EGR4: variants seen among roughly 807,000 people sequenced by gnomAD.
The protein encoded by EGR4 is early growth response protein 4.
A neutral mutation model predicts 25.4 loss-of-function variants in EGR4; 22 were observed. That is an observed-to-expected ratio of 0.87 (90% confidence interval 0.62 to 1.24). EGR4 has a LOEUF of 1.24. Among genes scored for constraint, EGR4 ranks in the 50% most tolerant of loss-of-function variants. The pLI is 0.00. For missense variants in EGR4, 742 were observed against 702.9 expected (o/e 1.06, Z -0.63); for synonymous variants, 375 against 320.1 (o/e 1.17, Z -1.83).
intron 1 of EGR4, 148 bp downstream of exon 1, chr2:73,293,034 G>T: frequency 1.1e-6 from 1 of 925,584 alleles, no homozygotes; most frequent in Admixed American, 4.0e-5. Flanking sequence ...AGTGTGGGTG[G>T]GAATGGGGGT....
Position 73,291,361 on chromosome 2 carries a change from G to C in EGR4, c.*96C>G. ...CGGGACCGGAGGCCGGCCCTCGGGCGTGCGAGGAGGAGTTGGAAGAAGAGC... is the reference window on the plus strand; with the variant it reads ...CGGGACCGGAGGCCGGCCCTCGGGCCTGCGAGGAGGAGTTGGAAGAAGAGC... On this transcript the variant is annotated 3_prime_UTR_variant, in exon 2 of 2. Transcript: ENST00000436467. 1 of 1,492,840 alleles carries C rather than the reference G, an allele frequency of 6.7e-7. No homozygotes were observed. Among genetic ancestry groups the C allele is most frequent in the Non-Finnish European group, 8.9e-7 (1 of 1,119,768 alleles). The allele number at this position is 1,492,840 out of a possible 1,614,324, so 92.5% of individuals were successfully genotyped here. A position where few individuals can be genotyped will look rare whatever the true frequency, so the allele number is the denominator to read the frequency against.
chr2:73,292,231 C>T lies in EGR4; in HGVS notation c.687G>A (p.Pro229=), dbSNP rs759199487. 3.1e-5 allele frequency: 49 copies of T among 1,605,520 alleles called. No homozygotes were observed. Among genetic ancestry groups the T allele is most frequent in the Non-Finnish European group, 4.1e-5 (48 of 1,176,346 alleles). The change falls in exon 2 of 2, where the codon CCG becomes CCA. Residue 229 remains proline, a synonymous_variant. Transcript: ENST00000436467. ...CGSQGDYQAA[P]EARFPVIGTK... is the part of the protein sequence containing the mutation. ...TCCCTATTACGGGAAAACGAGCCTC[C>T]GGGGCGGCCTGGTAGTCTCCCTGTG... is the stretch of plus-strand genomic sequence containing the variant.
rs1393321747 is a variant in EGR4 at position 73,293,072 on chromosome 2, A to G, written c.136+110T>C. ...GCACCCCAGGACTCCTAAGCTTCCCATCGCCCCTATTCTCATAGCTCCAAT... is the reference window on the plus strand; with the variant it reads ...GCACCCCAGGACTCCTAAGCTTCCCGTCGCCCCTATTCTCATAGCTCCAAT... On this transcript the variant is annotated intron_variant, in intron 1 of 1. Coordinates refer to ENST00000436467, the MANE Select transcript of EGR4 (RefSeq NM_001965.4). 16 of 1,150,268 alleles carry G rather than the reference A, an allele frequency of 1.4e-5. 1 individual carries two copies. The highest frequency in any genetic ancestry group is 2.3e-6 in the Non-Finnish European group (2 of 871,110). The allele number at this position is 1,150,268 out of a possible 1,614,324, so 71.3% of individuals were successfully genotyped here.
chr2:73,292,044 C>G lies in EGR4; in HGVS notation c.874G>C (p.Gly292Arg), dbSNP rs760382951. ...CCGTCGCCGCTACTCCCTCCCTCCC[C>G]ACTAGGAGGGGTCAGGAGCCCAGGG... ...GLPGLLTPPS[G>R]EGGSSGDGGE... The change falls in exon 2 of 2, where the codon GGG becomes CGG. Residue 292 changes from glycine (G) to arginine (R), a missense_variant. Transcript: ENST00000436467. 46 of 1,608,896 alleles carry G rather than the reference C, an allele frequency of 2.9e-5. No homozygotes were observed. The highest frequency in any genetic ancestry group is 2.2e-4 in the Admixed American group (13 of 59,594).
rs1040117991 is a variant in EGR4 at position 73,293,319 on chromosome 2, G to C, written c.-2C>G. The C allele has an allele frequency of 1.9e-6, 3 of 1,576,454 alleles. No individual in the cohort carries two copies. Among genetic ancestry groups the C allele is most frequent in the Non-Finnish European group, 2.6e-6 (3 of 1,164,382 alleles). On this transcript the variant is annotated 5_prime_UTR_variant, in exon 1 of 2. Transcript: ENST00000436467. Reference sequence around the variant, plus strand: ...GGAAAACTCGCTAAGGTGGAGCATGGCGCGGCGCCGGCTGTGGGGCGCCCG... The same window carrying C: ...GGAAAACTCGCTAAGGTGGAGCATGCCGCGGCGCCGGCTGTGGGGCGCCCG...
In EGR4 at chr2:73,293,366, GGGGC is replaced by G. The variant is rs1558600622; in HGVS notation, c.-53_-50del. 2 of 1,507,758 alleles carry G rather than the reference GGGGC, an allele frequency of 1.3e-6. No individual in the cohort carries two copies. The highest frequency in any genetic ancestry group is 4.8e-5 in the Admixed American group (2 of 41,904). 93.4% of individuals were successfully genotyped at this position (1,507,758 alleles called of 1,614,324 possible). A position where few individuals can be genotyped will look rare whatever the true frequency, so the allele number is the denominator to read the frequency against. The stretch of plus-strand genomic sequence containing the variant: ...CCCGGGGCCTCGCCCGCTGGGCTTG[GGGGC>G]GCGCGGGTGGCGGGGAGGCTGGCGG... On this transcript the variant is annotated 5_prime_UTR_variant, in exon 1 of 2. Coordinates refer to ENST00000436467, the MANE Select transcript of EGR4 (RefSeq NM_001965.4).
Position 73,292,227 on chromosome 2 carries a change from C to T in EGR4, c.691G>A (p.Ala231Thr), listed in dbSNP as rs776586470. 8.1e-6 allele frequency: 13 copies of T among 1,603,868 alleles called. No homozygotes were observed. Among genetic ancestry groups the T allele is most frequent in the Non-Finnish European group, 8.5e-6 (10 of 1,175,534 alleles). ...TTGGTCCCTATTACGGGAAAACGAGCCTCCGGGGCGGCCTGGTAGTCTCCC... is the reference window on the plus strand; with the variant it reads ...TTGGTCCCTATTACGGGAAAACGAGTCTCCGGGGCGGCCTGGTAGTCTCCC... ...SQGDYQAAPEARFPVIGTKIE... is the reference protein window; with the variant it reads ...SQGDYQAAPETRFPVIGTKIE... Residue 231 changes from alanine to threonine, a missense_variant, in exon 2 of 2, where the codon GCT becomes ACT. Physicochemically the swap from Ala to Thr is moderately conservative, Grantham distance 58. Transcript: ENST00000436467.
Position 73,292,623 on chromosome 2 carries a change from C to T in EGR4, c.295G>A (p.Glu99Lys), listed in dbSNP as rs1689134096. 2 of 1,545,192 alleles carry T rather than the reference C, an allele frequency of 1.3e-6. No individual in the cohort carries two copies. Among genetic ancestry groups the T allele is most frequent in the Non-Finnish European group, 1.7e-6 (2 of 1,146,496 alleles). ...QAVPEHPHDP[E>K]ALFNLMSGIL... is the part of the protein sequence containing the mutation. ...CCCGACATGAGGTTGAAGAGTGCCT[C>T]CGGGTCGTGCGGGTGTTCGGGCACT... The change falls in exon 2 of 2, where the codon GAG becomes AAG. Residue 99 changes from glutamate (E) to lysine (K), a missense_variant. Coordinates refer to ENST00000436467, the MANE Select transcript of EGR4 (RefSeq NM_001965.4).
Position 73,293,372 on chromosome 2 carries a change from C to CGCG in EGR4, c.-58_-56dup. 1 of 1,501,008 alleles carries CGCG rather than the reference C, an allele frequency of 6.7e-7. No individual in the cohort carries two copies. The highest frequency in any genetic ancestry group is 8.9e-7 in the Non-Finnish European group (1 of 1,127,688). 93.0% of individuals were successfully genotyped at this position (1,501,008 alleles called of 1,614,324 possible). On this transcript the variant is annotated 5_prime_UTR_variant, in exon 1 of 2. Coordinates refer to ENST00000436467, the MANE Select transcript of EGR4 (RefSeq NM_001965.4). The stretch of plus-strand genomic sequence containing the variant: ...GCCTCGCCCGCTGGGCTTGGGGGCG[C>CGCG]GCGGGTGGCGGGGAGGCTGGCGGTA...
At position 73,292,083 on chromosome 2, in the gene EGR4, C is replaced by T; in HGVS notation, c.835G>A (p.Gly279Arg). 6.2e-7 allele frequency: 1 copy of T among 1,610,896 alleles called. No homozygotes were observed. Residue 279 changes from glycine (G) to arginine (R), a missense_variant, in exon 2 of 2, where the codon GGG (glycine) becomes AGG (arginine). Physicochemically the swap from Gly to Arg is moderately radical, Grantham distance 125. Coordinates refer to ENST00000436467, the MANE Select transcript of EGR4 (RefSeq NM_001965.4). ...AGGAGCCCAGGGAGGCCCTCAGCCC[C>T]CTCCCCTAAGTCACCCGGGGCCAGC... ...FPLAPGDLGE[G>R]AEGLPGLLTP... is the part of the protein sequence containing the mutation.
Position 73,292,328 on chromosome 2 carries a change from G to A in EGR4, c.590C>T (p.Ala197Val). Residue 197 changes from alanine (A) to valine (V), a missense_variant, in exon 2 of 2, where the codon GCT becomes GTT. Coordinates refer to ENST00000436467, the MANE Select transcript of EGR4 (RefSeq NM_001965.4). ...RAPPASPALDAVSAFKGPYAP... is the reference protein window; with the variant it reads ...RAPPASPALDVVSAFKGPYAP... The stretch of plus-strand genomic sequence containing the variant: ...GTAGGGACCCTTGAAGGCAGAGACA[G>A]CGTCCAGCGCTGGCGAGGCGGGAGG... The A allele has an allele frequency of 6.3e-7, 1 of 1,589,344 alleles. No individual in the cohort carries two copies. Among genetic ancestry groups the A allele is most frequent in the Non-Finnish European group, 8.6e-7 (1 of 1,167,224 alleles).
At position 73,292,572 on chromosome 2, in the gene EGR4, C is replaced by T. The variant is rs758096664; in HGVS notation, c.346G>A (p.Gly116Ser). ...GATCTGGACGCTGCTGCCTCTGGAC[C>T]GGGGAAGGGTGCCAGGCCTAAGATG... ...SGILGLAPFP[G>S]PEAAASRSPL... Residue 116 changes from glycine to serine, a missense_variant, in exon 2 of 2, where the codon GGT becomes AGT. Physicochemically the swap from Gly to Ser is moderately conservative, Grantham distance 56 (BLOSUM62 0). Coordinates refer to ENST00000436467, the MANE Select transcript of EGR4 (RefSeq NM_001965.4). The T allele has an allele frequency of 2.7e-6, 4 of 1,505,338 alleles. No homozygotes were observed. The highest frequency in any genetic ancestry group is 3.5e-6 in the Non-Finnish European group (4 of 1,127,558). The allele number at this position is 1,505,338 out of a possible 1,614,324, so 93.2% of individuals were successfully genotyped here. A position where few individuals can be genotyped will look rare whatever the true frequency, so the allele number is the denominator to read the frequency against.
chr2:73,292,233 G>C lies in EGR4; in HGVS notation c.685C>G (p.Pro229Ala). ...CGSQGDYQAAPEARFPVIGTK... is the reference protein window; with the variant it reads ...CGSQGDYQAAAEARFPVIGTK... ...CCTATTACGGGAAAACGAGCCTCCG[G>C]GGCGGCCTGGTAGTCTCCCTGTGAC... Residue 229 changes from proline (P) to alanine (A), a missense_variant, in exon 2 of 2, where the codon CCG becomes GCG. Physicochemically the swap from Pro to Ala is conservative, Grantham distance 27 (BLOSUM62 -1). Transcript: ENST00000436467. 1 of 1,606,604 alleles carries C rather than the reference G, an allele frequency of 6.2e-7. No homozygotes were observed. The highest frequency in any genetic ancestry group is 1.7e-4 in the Middle Eastern group (1 of 6,048).
Position 73,291,406 on chromosome 2 carries a change from A to G in EGR4, c.*51T>C, listed in dbSNP as rs745811504. 9.2e-6 allele frequency: 14 copies of G among 1,528,116 alleles called. No homozygotes were observed. The African/African-American group carries it at 1.9e-4, about 21-fold the overall frequency. The allele number at this position is 1,528,116 out of a possible 1,614,324, so 94.7% of individuals were successfully genotyped here. A position where few individuals can be genotyped will look rare whatever the true frequency, so the allele number is the denominator to read the frequency against. The stretch of plus-strand genomic sequence containing the variant: ...AAGAGCGGGGAGGGGAACGGCCCGG[A>G]ACTCGTGCGCGCCGAACGGCGGCGC... On this transcript the variant is annotated 3_prime_UTR_variant, in exon 2 of 2. Coordinates refer to ENST00000436467, the MANE Select transcript of EGR4 (RefSeq NM_001965.4).
Position 73,292,018 on chromosome 2 carries a change from G to A in EGR4, c.900C>T (p.Gly300=), listed in dbSNP as rs1220068125. Residue 300 remains glycine (G), a synonymous_variant, in exon 2 of 2, where the codon GGC becomes GGT. Coordinates refer to ENST00000436467, the MANE Select transcript of EGR4 (RefSeq NM_001965.4). Reference sequence around the variant, plus strand: ...GCTGCGTACTGGCCAGAAACTCTCCGCCGTCGCCGCTACTCCCTCCCTCCC... The same window carrying A: ...GCTGCGTACTGGCCAGAAACTCTCCACCGTCGCCGCTACTCCCTCCCTCCC... ...PSGEGGSSGD[G]GEFLASTQPQ... The A allele has an allele frequency of 5.6e-6, 9 of 1,600,640 alleles. No homozygotes were observed. The South Asian group carries it at 7.8e-5, about 14-fold the overall frequency.
chr2:73,293,460 G>C lies in EGR4; in HGVS notation c.-143C>G, dbSNP rs1351612605. ...TCCTGGCTTCGGGCACTCACCTCTG[G>C]GAAAGGAGTCGGGGAGCCGCGGCGC... On this transcript the variant is annotated 5_prime_UTR_variant, in exon 1 of 2. Transcript: ENST00000436467. 5 of 1,516,914 alleles carry C rather than the reference G, an allele frequency of 3.3e-6. No individual in the cohort carries two copies. In the African/African-American group the frequency reaches 5.8e-5, roughly 18 times the overall value. 94.0% of individuals were successfully genotyped at this position (1,516,914 alleles called of 1,614,324 possible).
In EGR4 at chr2:73,291,300, G is replaced by C; in HGVS notation, c.*157C>G. ...CTGTCCGCGGAGCTGGTGCTGAATA[G>C]GGCGTGTGCGGCGGGCGCTTCAAGG... On this transcript the variant is annotated 3_prime_UTR_variant, in exon 2 of 2. Coordinates refer to ENST00000436467, the MANE Select transcript of EGR4 (RefSeq NM_001965.4). The C allele has an allele frequency of 9.8e-7, 1 of 1,022,360 alleles. No individual in the cohort carries two copies. Among genetic ancestry groups the C allele is most frequent in the South Asian group, 1.7e-5 (1 of 59,038 alleles). 63.3% of individuals were successfully genotyped at this position (1,022,360 alleles called of 1,614,324 possible). A position where few individuals can be genotyped will look rare whatever the true frequency, so the allele number is the denominator to read the frequency against.
rs769310183 is a variant in EGR4, at chr2:73,291,877, C to T, written c.1041G>A (p.Pro347=). Residue 347 remains proline, a synonymous_variant, in exon 2 of 2, where the codon CCG becomes CCA. Transcript: ENST00000436467. ...CCTTGGCCTGGGGGAAAGGGGTGGGCGGCGGCGGCGGCACGGGTGGTGCAG... is the reference window on the plus strand; with the variant it reads ...CCTTGGCCTGGGGGAAAGGGGTGGGTGGCGGCGGCGGCACGGGTGGTGCAG... ...GVAAPPVPPP[P]PTPFPQAKAR... The T allele has an allele frequency of 7.7e-5, 120 of 1,562,230 alleles. No homozygotes were observed. Among genetic ancestry groups the T allele is most frequent in the Non-Finnish European group, 1.0e-4 (116 of 1,158,794 alleles).
rs780202647 is a variant in EGR4, at chr2:73,293,453, A to T, written c.-136T>A. Reference sequence around the variant, plus strand: ...CCCGGGCTCCTGGCTTCGGGCACTCACCTCTGGGAAAGGAGTCGGGGAGCC... The same window carrying T: ...CCCGGGCTCCTGGCTTCGGGCACTCTCCTCTGGGAAAGGAGTCGGGGAGCC... On this transcript the variant is annotated 5_prime_UTR_variant, in exon 1 of 2. Transcript: ENST00000436467. The T allele has an allele frequency of 6.6e-7, 1 of 1,516,962 alleles. No individual in the cohort carries two copies. The allele number at this position is 1,516,962 out of a possible 1,614,324, so 94.0% of individuals were successfully genotyped here. A position where few individuals can be genotyped will look rare whatever the true frequency, so the allele number is the denominator to read the frequency against.
Sources: allele counts gnomAD v4.1 joint callset, GRCh38; gene constraint gnomAD v4.1.1; transcripts MANE v1.5; gene names NCBI Gene and HGNC (gene_info 2026-07-23, HGNC 2026-07-21).